The following MFSD6 variants were observed in gnomAD, a reference collection of about 807,000 sequenced individuals.
MFSD6 encodes the protein major facilitator superfamily domain containing 6.
A neutral mutation model predicts 56.3 loss-of-function variants in MFSD6; 26 were observed. That is an observed-to-expected ratio of 0.46 (90% CI 0.34 to 0.64). MFSD6 has a LOEUF of 0.64. MFSD6 is among the 30% of genes least tolerant of loss of function. The pLI is 0.01. For missense variants in MFSD6, 750 were observed against 986.2 expected (o/e 0.76, Z 3.21); for synonymous variants, 331 against 366.9 (o/e 0.90, Z 1.12).
At chr2:190,478,516 T>G (rs955829065) in intron 4 of MFSD6, among the ~76,000 whole-genome samples, 1 of 152,242 alleles carries the variant, frequency 6.6e-6, no homozygotes. Flanking sequence ...TAGTTTGGAT[T>G]CGTCTGCCTT....
Position 190,458,267 on chromosome 2 carries a change from T to G in MFSD6, c.1533-11491T>G, listed in dbSNP as rs2125108320. On this transcript the variant is annotated intron_variant, in intron 3 of 7. Transcript: ENST00000392328. The surrounding 1 kb of genome is among the most constrained non-coding windows in gnomAD (Gnocchi z 5.3). ...TGACCATATTTAAAGTTAGGGTCTT[T>G]AAGGATGTCATGAAATTAAAATCAG... 6.6e-6 allele frequency among the ~76,000 whole-genome samples: 1 copy of G among 152,266 alleles called. No homozygotes were observed. The highest frequency in any genetic ancestry group is 2.1e-4 in the South Asian group (1 of 4,818).
In MFSD6 at chr2:190,431,725, G is replaced by GGAGGGA. The variant is rs1029396143; in HGVS notation, c.-53-4232_-53-4227dup. ...AGGGAGAGGGAGACTGTGGGGAGAG[G>GGAGGGA]GAGGGAGAGGGAGAGGGAGAGGGAG... On this transcript the variant is annotated intron_variant, in intron 2 of 7. Coordinates refer to ENST00000392328, the MANE Select transcript of MFSD6 (RefSeq NM_017694.4). The surrounding 1 kb of genome is among the most constrained non-coding windows in gnomAD (Gnocchi z 4.4). Among the ~76,000 whole-genome samples, 7 of 151,970 alleles carry GGAGGGA rather than the reference G, an allele frequency of 4.6e-5. No individual in the cohort carries two copies. The highest frequency in any genetic ancestry group is 4.8e-5 in the African/African-American group (2 of 41,386).
chr2:190,459,300 T>C lies in MFSD6; in HGVS notation c.1533-10458T>C, dbSNP rs937570895. ...TCATGACATTGCTTCAACCTGAGTT[T>C]CGATGAACTTGTTCAGCTTCGTCAA... On this transcript the variant is annotated intron_variant, in intron 3 of 7. Coordinates refer to ENST00000392328, the MANE Select transcript of MFSD6 (RefSeq NM_017694.4). This position sits in a 1 kb window ranked among gnomAD's most constrained non-coding sequence, Gnocchi z 5.3. Among the ~76,000 whole-genome samples the C allele has an allele frequency of 2.0e-5, 3 of 152,232 alleles. No homozygotes were observed. Among genetic ancestry groups the C allele is most frequent in the African/African-American group, 7.2e-5 (3 of 41,466 alleles).
rs373172725 is a variant in MFSD6, at chr2:190,437,587, C to T, written c.1532+26C>T. 2 of 1,592,820 alleles carry T rather than the reference C, an allele frequency of 1.3e-6. No individual in the cohort carries two copies. Among genetic ancestry groups the T allele is most frequent in the Non-Finnish European group, 1.7e-6 (2 of 1,167,648 alleles). ...GTAAGAACATGCTTACGATTGCTGC[C>T]CCTCAGCAATTGAACTTTATCTTTT... is the stretch of plus-strand genomic sequence containing the variant. On this transcript the variant is annotated intron_variant, in intron 3 of 7. Coordinates refer to ENST00000392328, the MANE Select transcript of MFSD6 (RefSeq NM_017694.4). The surrounding 1 kb of genome is among the most constrained non-coding windows in gnomAD (Gnocchi z 5.9).
chr2:190,435,783 A>G, intron 2 of MFSD6, 194 bp from the exon 3 acceptor site: 1 of 458,738 alleles, frequency 2.2e-6, no homozygotes, highest in Admixed American at 3.8e-5. Context: ...GTCAGTGGCC[A>G]TAAAGAGTAT....
chr2:190,435,935 T>A, intron 2 of MFSD6, 42 bp from the exon 3 acceptor site: 1 of 1,451,536 alleles, frequency 6.9e-7, no homozygotes, highest in Non-Finnish European at 9.3e-7. Context: ...TTACATGTTA[T>A]GATTTTCATT....
chr2:190,449,009 C>A (rs906308586), intron 3 of MFSD6, among the ~76,000 whole-genome samples: 5 of 152,192 alleles, frequency 3.3e-5, no homozygotes, highest in African/African-American at 1.2e-4. Context: ...AAACATTTAT[C>A]CAAATACCTC....
rs930408457 is a variant in MFSD6 at position 190,463,743 on chromosome 2, T to C, written c.1533-6015T>C. On this transcript the variant is annotated intron_variant, in intron 3 of 7. Coordinates refer to ENST00000392328, the MANE Select transcript of MFSD6 (RefSeq NM_017694.4). This position sits in a 1 kb window ranked among gnomAD's most constrained non-coding sequence, Gnocchi z 4.4. ...GCTGAGGTGGGAGGATCACCTGGGC[T>C]CTGGTGGTCAAGGCTGCATTGAGCT... The C allele has an allele frequency of 3.1e-6, 1 of 324,572 alleles. No individual in the cohort carries two copies. The highest frequency in any genetic ancestry group is 4.4e-6 in the Non-Finnish European group (1 of 225,978). The allele number at this position is 324,572 out of a possible 1,614,324, so 20.1% of individuals were successfully genotyped here.
chr2:190,414,632 A>G (rs1272451450), intron 1 of MFSD6, among the ~76,000 whole-genome samples: 2 of 152,306 alleles, frequency 1.3e-5, no homozygotes, highest in South Asian at 2.1e-4. Flanking sequence ...TCAGACCTCA[A>G]TTTAATAACT....
Position 190,408,451 on chromosome 2 carries a change from G to GGGACAGGGCTCCCCGCGCCCCGC in MFSD6, c.-226_-204dup, listed in dbSNP as rs1379453626. The GGGACAGGGCTCCCCGCGCCCCGC allele has an allele frequency of 6.6e-6, 1 of 151,020 alleles. No homozygotes were observed. Among genetic ancestry groups the GGGACAGGGCTCCCCGCGCCCCGC allele is most frequent in the Non-Finnish European group, 1.5e-5 (1 of 67,528 alleles). 9.4% of individuals were successfully genotyped at this position (151,020 alleles called of 1,614,324 possible). A position where few individuals can be genotyped will look rare whatever the true frequency, so the allele number is the denominator to read the frequency against. On this transcript the variant is annotated 5_prime_UTR_variant, in exon 1 of 8. The change abolishes the stop of an existing upstream ORF in the 5' untranslated region. Coordinates refer to ENST00000392328, the MANE Select transcript of MFSD6 (RefSeq NM_017694.4). ...CCCCGAGCCGCCGCCCCGTGCTCCG[G>GGGACAGGGCTCCCCGCGCCCCGC]GGACAGGGCTCCCCGCGCCCCGCGC...
chr2:190,440,195 G>C (rs2125059438), intron 3 of MFSD6, among the ~76,000 whole-genome samples: 1 of 152,252 alleles, frequency 6.6e-6, no homozygotes, highest in Middle Eastern at 3.4e-3. Flanking sequence ...GTAATAATAA[G>C]AAAGATTCAT....
At position 190,469,798 on chromosome 2, in the gene MFSD6, A is replaced by G. The variant is rs1370664732; in HGVS notation, c.1573A>G (p.Ile525Val). The G allele has an allele frequency of 1.2e-6, 2 of 1,606,570 alleles. No homozygotes were observed. The highest frequency in any genetic ancestry group is 1.7e-6 in the Non-Finnish European group (2 of 1,177,440). ...IGLACNTARY[I>V]YISYLENAWT... Reference sequence around the variant, plus strand: ...CCTGGCCTGCAATACGGCTCGCTATATTTATATTTCCTACCTGGAGAATGC... The same window carrying G: ...CCTGGCCTGCAATACGGCTCGCTATGTTTATATTTCCTACCTGGAGAATGC... Residue 525 changes from isoleucine to valine, a missense_variant, in exon 4 of 8, where the codon ATT (isoleucine) becomes GTT (valine). Coordinates refer to ENST00000392328, the MANE Select transcript of MFSD6 (RefSeq NM_017694.4). This position sits in a 1 kb window ranked among gnomAD's most constrained non-coding sequence, Gnocchi z 5.3.
intron 2 of MFSD6, among the ~76,000 whole-genome samples, chr2:190,430,632 G>A (rs532540668): frequency 6.6e-6 from 1 of 151,924 alleles, no homozygotes; most frequent in Non-Finnish European, 1.5e-5. Context: ...GCAACCATCC[G>A]ATTTCTCAAT....
rs1437891928 is a variant in MFSD6 at position 190,488,482 on chromosome 2, G to A, written c.1631-175G>A. Among the ~76,000 whole-genome samples the A allele has an allele frequency of 6.6e-6, 1 of 152,196 alleles. No individual in the cohort carries two copies. The highest frequency in any genetic ancestry group is 1.5e-5 in the Non-Finnish European group (1 of 68,032). ...GTGACAGCTGCACAACACTGTGAGTGTACTCAGTGCCACTGAACCGTACAT... is the reference window on the plus strand; with the variant it reads ...GTGACAGCTGCACAACACTGTGAGTATACTCAGTGCCACTGAACCGTACAT... On this transcript the variant is annotated intron_variant, in intron 4 of 7. Transcript: ENST00000392328. This position sits in a 1 kb window ranked among gnomAD's most constrained non-coding sequence, Gnocchi z 6.4.
chr2:190,439,503 C>T lies in MFSD6; in HGVS notation c.1532+1942C>T, dbSNP rs1686297160. On this transcript the variant is annotated intron_variant, in intron 3 of 7. Coordinates refer to ENST00000392328, the MANE Select transcript of MFSD6 (RefSeq NM_017694.4). The surrounding 1 kb of genome is among the most constrained non-coding windows in gnomAD (Gnocchi z 5.8). ...CCACATGCTAAGAAAAGATGGTTCT[C>T]TTCTACCTTTGCCTTTTGTCTGAGA... Among the ~76,000 whole-genome samples, 2 of 152,122 alleles carry T rather than the reference C, an allele frequency of 1.3e-5. No individual in the cohort carries two copies. The highest frequency in any genetic ancestry group is 2.9e-5 in the Non-Finnish European group (2 of 68,038).
intron 4 of MFSD6, among the ~76,000 whole-genome samples, chr2:190,474,418 T>C (rs1203818377): frequency 6.6e-6 from 1 of 152,100 alleles, no homozygotes; most frequent in Non-Finnish European, 1.5e-5. Flanking sequence ...CAAACTACCA[T>C]CAGAGAATAC....
rs931729289 is a variant in MFSD6, at chr2:190,431,523, C to T, written c.-53-4454C>T. Among the ~76,000 whole-genome samples, 3 of 152,188 alleles carry T rather than the reference C, an allele frequency of 2.0e-5. No homozygotes were observed. The highest frequency in any genetic ancestry group is 1.3e-4 in the Admixed American group (2 of 15,288). On this transcript the variant is annotated intron_variant, in intron 2 of 7. Transcript: ENST00000392328. The surrounding 1 kb of genome is among the most constrained non-coding windows in gnomAD (Gnocchi z 4.4). ...CTGGAGACTAGCCCGGCCAACACAG[C>T]GAAACCCCGTCTCCACCAAAAAAAT... is the stretch of plus-strand genomic sequence containing the variant.
intron 2 of MFSD6, among the ~76,000 whole-genome samples, chr2:190,432,705 C>A (rs1206145780): frequency 6.6e-6 from 1 of 152,182 alleles, no homozygotes; most frequent in Non-Finnish European, 1.5e-5. Context: ...GCGTGAGCCA[C>A]CGCACCTGGC....
chr2:190,413,693 G>A lies in MFSD6; in HGVS notation c.-175-1599G>A, dbSNP rs766288011. Among the ~76,000 whole-genome samples, 34 of 152,270 alleles carry A rather than the reference G, an allele frequency of 2.2e-4. No individual in the cohort carries two copies. Among genetic ancestry groups the A allele is most frequent in the Non-Finnish European group, 4.0e-4 (27 of 68,002 alleles). ...ACCGTGCCAAAGGAAAGTGAGTGGC[G>A]AGCCTGGACTGGTAGTTAGCAGTCT... On this transcript the variant is annotated intron_variant, in intron 1 of 7. Transcript: ENST00000392328. This position sits in a 1 kb window ranked among gnomAD's most constrained non-coding sequence, Gnocchi z 4.1.
Sources: gnomAD v4.1 joint callset for allele counts (sites outside exome capture counted in the v4.1 genomes callset) on GRCh38, gnomAD v4.1.1 for gene constraint, Gnocchi (gnomAD v3.1) non-coding constraint, MANE v1.5 for transcripts, NCBI Gene and HGNC (gene_info 2026-07-23, HGNC 2026-07-21) for gene names.